PRDM6: variants seen among roughly 807,000 people sequenced by gnomAD.
The protein encoded by PRDM6 is PR/SET domain 6.
PRDM6 carries 25 observed loss-of-function variants against 60.8 expected under a neutral mutation model. The ratio of observed to expected loss-of-function variants is 0.41; its 90% CI spans 0.30 to 0.57. The LOEUF is 0.57. PRDM6 is among the 20% of genes least tolerant of loss of function. The pLI is 0.27. For synonymous variants in PRDM6, 407 were observed against 357.4 expected, an observed-to-expected ratio of 1.14 and a Z score of -1.57; for missense variants, 839 against 821.3, an observed-to-expected ratio of 1.02 and a Z score of -0.26.
At chr5:123,159,026 G>T (rs540732798) in intron 4 of PRDM6, among the ~76,000 whole-genome samples, 31 of 152,226 alleles carry the variant, frequency 2.0e-4, no homozygotes, top group Admixed American at 6.5e-4. Context: ...CAGTGGAGAA[G>T]ATTTTTATTT....
Position 123,117,790 on chromosome 5 carries a change from T to A in PRDM6, c.900+17829T>A, listed in dbSNP as rs1245358259. On this transcript the variant is annotated intron_variant, in intron 3 of 7. Transcript: ENST00000407847. ...ACAGCATTTGCTCATTTGCTTTGCATGTGCAGTGACTATCATACCAAGAGC... is the reference window on the plus strand; with the variant it reads ...ACAGCATTTGCTCATTTGCTTTGCAAGTGCAGTGACTATCATACCAAGAGC... Among the ~76,000 whole-genome samples, 3 of 152,242 alleles carry A rather than the reference T, an allele frequency of 2.0e-5. 1 individual carries two copies. Among genetic ancestry groups the A allele is most frequent in the South Asian group, 4.1e-4 (2 of 4,832 alleles).
intron 3 of PRDM6, among the ~76,000 whole-genome samples, chr5:123,127,743 T>G (rs1397929010): frequency 1.3e-5 from 2 of 151,202 alleles, no homozygotes; most frequent in African/African-American, 4.9e-5. Context: ...CTTCTTTCCT[T>G]TCTTTCCTTT....
chr5:123,127,418 A>G (rs530241566), intron 3 of PRDM6, among the ~76,000 whole-genome samples: 1 of 152,344 alleles, frequency 6.6e-6, no homozygotes, highest in Admixed American at 6.5e-5. Context: ...AAACACAACA[A>G]GAGGTTGGGA....
chr5:123,127,725 TTTCTTTCC>T (rs1329926987), intron 3 of PRDM6, among the ~76,000 whole-genome samples: 1 of 150,904 alleles, frequency 6.6e-6, no homozygotes, highest in African/African-American at 2.5e-5. Flanking sequence ...TCTTTCTTTC[TTTCTTTCC>T]TTCTTTCCTT....
chr5:123,138,461 T>G (rs528610783), intron 3 of PRDM6, among the ~76,000 whole-genome samples: 10 of 152,260 alleles, frequency 6.6e-5, no homozygotes, highest in Non-Finnish European at 1.5e-4. Context: ...TCTCTGCTCT[T>G]TATCAGTGTG....
At chr5:123,149,346 G>GCTCAC (rs1237405865) in intron 3 of PRDM6, among the ~76,000 whole-genome samples, 1 of 152,150 alleles carries the variant, frequency 6.6e-6, no homozygotes, top group Non-Finnish European at 1.5e-5. Flanking sequence ...TGCACAGACA[G>GCTCAC]CTCACCTACC....
Position 123,187,496 on chromosome 5 carries a change from A to T in PRDM6, c.*295A>T, listed in dbSNP as rs1217799340. The T allele has an allele frequency of 3.8e-6, 1 of 262,324 alleles. No individual in the cohort carries two copies. Among genetic ancestry groups the T allele is most frequent in the African/African-American group, 2.2e-5 (1 of 44,736 alleles). 16.2% of individuals were successfully genotyped at this position (262,324 alleles called of 1,614,324 possible). A position where few individuals can be genotyped will look rare whatever the true frequency, so the allele number is the denominator to read the frequency against. On this transcript the variant is annotated 3_prime_UTR_variant, in exon 8 of 8. Transcript: ENST00000407847. ...TTGCTTTGTTTCTAAAAAGCTTTTTAAAAACTGTTATTTAATACCAAAGGG... is the reference window on the plus strand; with the variant it reads ...TTGCTTTGTTTCTAAAAAGCTTTTTTAAAACTGTTATTTAATACCAAAGGG...
Position 123,192,372 on chromosome 5 carries a change from C to A in PRDM6, c.*5171C>A, listed in dbSNP as rs890264432. ...AGGCAATTGTTAAAAGAGGAAAATACTTCTCTATGTAAAGCTTTTTTTTGA... is the reference window on the plus strand; with the variant it reads ...AGGCAATTGTTAAAAGAGGAAAATAATTCTCTATGTAAAGCTTTTTTTTGA... On this transcript the variant is annotated 3_prime_UTR_variant, in exon 8 of 8. Transcript: ENST00000407847. 7 of 152,250 alleles carry A rather than the reference C, an allele frequency of 4.6e-5. No individual in the cohort carries two copies. The highest frequency in any genetic ancestry group is 1.9e-4 in the East Asian group (1 of 5,188). 9.4% of individuals were successfully genotyped at this position (152,250 alleles called of 1,614,324 possible). A position where few individuals can be genotyped will look rare whatever the true frequency, so the allele number is the denominator to read the frequency against.
At chr5:123,147,864 G>A (rs904210246) in intron 3 of PRDM6, among the ~76,000 whole-genome samples, 2 of 152,188 alleles carry the variant, frequency 1.3e-5, no homozygotes, top group African/African-American at 4.8e-5. Context: ...GCTTCATATC[G>A]ACGGCTGCCG....
At chr5:123,186,533 C>T (rs908089199) in intron 7 of PRDM6, among the ~76,000 whole-genome samples, 1 of 152,190 alleles carries the variant, frequency 6.6e-6, no homozygotes, top group African/African-American at 2.4e-5. Context: ...TTTGGTTAGG[C>T]TGTGACACTG....
chr5:123,162,289 G>T (rs1765653274), intron 5 of PRDM6, among the ~76,000 whole-genome samples: 1 of 152,150 alleles, frequency 6.6e-6, no homozygotes, highest in African/African-American at 2.4e-5. Flanking sequence ...GCATTTTTGG[G>T]TCTCTGTGCC....
chr5:123,138,197 G>A (rs1410089076), intron 3 of PRDM6, among the ~76,000 whole-genome samples: 21 of 152,184 alleles, frequency 1.4e-4, no homozygotes, highest in Admixed American at 1.4e-3. Context: ...AAGCACATGA[G>A]TGAATATTGG....
intron 3 of PRDM6, among the ~76,000 whole-genome samples, chr5:123,144,719 A>G (rs557635397): frequency 6.6e-6 from 1 of 152,216 alleles, no homozygotes; most frequent in East Asian, 1.9e-4. Context: ...ACTTTTGGAC[A>G]TTTTTAAAGG....
chr5:123,135,858 A>G (rs1580507694), intron 3 of PRDM6, among the ~76,000 whole-genome samples: 1 of 152,036 alleles, frequency 6.6e-6, no homozygotes, highest in Admixed American at 6.6e-5. Context: ...AATCAGACCA[A>G]TCCGCTTGGA....
At chr5:123,184,138 A>ACAATATGAATTG (rs1766229586) in intron 7 of PRDM6, among the ~76,000 whole-genome samples, 3 of 152,190 alleles carry the variant, frequency 2.0e-5, no homozygotes, top group African/African-American at 7.2e-5. Context: ...TCATACATAC[A>ACAATATGAATTG]AAGCCCTGTG....
chr5:123,168,070 C>T (rs1167790055), intron 5 of PRDM6, among the ~76,000 whole-genome samples: 1 of 152,118 alleles, frequency 6.6e-6, no homozygotes, highest in Non-Finnish European at 1.5e-5. Flanking sequence ...CAAAACATTC[C>T]TTCTTGTCGT....
intron 4 of PRDM6, among the ~76,000 whole-genome samples, chr5:123,157,397 G>T (rs1397573721): frequency 6.6e-6 from 1 of 152,078 alleles, no homozygotes; most frequent in Non-Finnish European, 1.5e-5. Context: ...AGATAGTTTG[G>T]TTCTGTAATG....
intron 5 of PRDM6, among the ~76,000 whole-genome samples, chr5:123,167,335 T>G (rs1430341372): frequency 6.6e-6 from 1 of 152,208 alleles, no homozygotes; most frequent in Non-Finnish European, 1.5e-5. Flanking sequence ...ATTCTTTTGT[T>G]TTAATATAAA....
rs902148090 is a variant in PRDM6, at chr5:123,089,424, T to C, written c.-111T>C. 6.6e-6 allele frequency: 1 copy of C among 152,158 alleles called. No homozygotes were observed. The highest frequency in any genetic ancestry group is 1.5e-5 in the Non-Finnish European group (1 of 68,502). The allele number at this position is 152,158 out of a possible 1,614,324, so 9.4% of individuals were successfully genotyped here. A position where few individuals can be genotyped will look rare whatever the true frequency, so the allele number is the denominator to read the frequency against. ...CTCTAGGACTCTCCTCCCGCGCTGC[T>C]CAGGGGCATGTAGCGCACGCAGGGC... On this transcript the variant is annotated 5_prime_UTR_variant, in exon 1 of 8. Transcript: ENST00000407847.
Sources: allele counts gnomAD v4.1 joint callset (sites outside exome capture counted in the v4.1 genomes callset), GRCh38; gene constraint gnomAD v4.1.1; transcripts MANE v1.5; gene names NCBI Gene and HGNC (gene_info 2026-07-23, HGNC 2026-07-21).